GRIN2A: variants seen among roughly 807,000 people sequenced by gnomAD.
GRIN2A encodes the protein glutamate receptor ionotropic, NMDA 2A.
GRIN2A carries 22 observed loss-of-function variants against 113.4 expected under a neutral mutation model. The ratio of observed to expected loss-of-function variants is 0.19; its 90% CI spans 0.14 to 0.28. The LOEUF is 0.28. GRIN2A is among the 10% of genes least tolerant of loss of function. GRIN2A has a pLI of 1.00. For missense variants in GRIN2A, 1,502 were observed against 1,887.0 expected (o/e 0.80, Z 3.78); for synonymous variants, 827 against 738.4 (o/e 1.12, Z -1.94).
At chr16:10,077,657 T>A (rs969152244) in intron 2 of GRIN2A, among the ~76,000 whole-genome samples, 15 of 152,206 alleles carry the variant, frequency 9.9e-5, no homozygotes, top group Admixed American at 3.3e-4. Flanking sequence ...CCTTTAGAGT[T>A]TGGCCTCCGG....
intron 2 of GRIN2A, among the ~76,000 whole-genome samples, chr16:10,026,404 C>G (rs1233529134): frequency 6.6e-6 from 1 of 152,140 alleles, no homozygotes; most frequent in Non-Finnish European, 1.5e-5. Flanking sequence ...TTGTTACTAA[C>G]AGCATTAGAT....
At chr16:10,087,005 T>C (rs1041215281) in intron 2 of GRIN2A, among the ~76,000 whole-genome samples, 2 of 152,170 alleles carry the variant, frequency 1.3e-5, no homozygotes, top group Non-Finnish European at 2.9e-5. Context: ...TGGATTACCA[T>C]GAATTGGGGA....
At chr16:10,044,022 T>TATATATATATATATAGAG (rs531659457) in intron 2 of GRIN2A, among the ~76,000 whole-genome samples, 3 of 108,010 alleles carry the variant, frequency 2.8e-5, no homozygotes, top group Admixed American at 1.1e-4. Flanking sequence ...TATATATATA[T>TATATATATATATATAGAG]AGAGAGAGAG....
intron 2 of GRIN2A, among the ~76,000 whole-genome samples, chr16:10,109,903 A>T (rs887147734): frequency 6.6e-6 from 1 of 150,472 alleles, no homozygotes. Context: ...ATTTTTTTTA[A>T]TTTTATTATT....
At chr16:10,032,825 C>T (rs530252294) in intron 2 of GRIN2A, among the ~76,000 whole-genome samples, 5 of 152,338 alleles carry the variant, frequency 3.3e-5, no homozygotes, top group African/African-American at 9.6e-5. Flanking sequence ...CCAGCTGCAA[C>T]TCCTAACATA....
chr16:9,951,651 G>A (rs543442814), intron 2 of GRIN2A, among the ~76,000 whole-genome samples: 112 of 152,290 alleles, frequency 7.4e-4, no homozygotes, highest in African/African-American at 2.6e-3. Flanking sequence ...GGGTGGAAAA[G>A]GGAGAGATTT....
chr16:9,978,029 T>C (rs2045809981), intron 2 of GRIN2A, among the ~76,000 whole-genome samples: 1 of 152,174 alleles, frequency 6.6e-6, no homozygotes, highest in Non-Finnish European at 1.5e-5. Context: ...GGCTGTGCCA[T>C]ATATTCACTG....
chr16:10,042,496 C>T (rs1459838746), intron 2 of GRIN2A, among the ~76,000 whole-genome samples: 3 of 152,174 alleles, frequency 2.0e-5, no homozygotes, highest in Admixed American at 6.5e-5. Context: ...GATCACTGCA[C>T]CTCTGGCCAA....
At chr16:9,799,163 T>C (rs1226244120) in intron 10 of GRIN2A, among the ~76,000 whole-genome samples, 1 of 152,212 alleles carries the variant, frequency 6.6e-6, no homozygotes, top group Non-Finnish European at 1.5e-5. Flanking sequence ...ACCGTCTCTG[T>C]TGCAGCTATT....
chr16:9,907,719 G>A (rs944844188), intron 3 of GRIN2A, among the ~76,000 whole-genome samples: 7 of 152,144 alleles, frequency 4.6e-5, no homozygotes, highest in African/African-American at 1.7e-4. Context: ...ATATTCACAT[G>A]TTCAAATCCT....
At chr16:9,785,585 ATAAT>A (rs1183057666) in intron 11 of GRIN2A, among the ~76,000 whole-genome samples, 1 of 133,006 alleles carries the variant, frequency 7.5e-6, no homozygotes, top group Non-Finnish European at 1.6e-5. Flanking sequence ...AACTTAAAGT[ATAAT>A]TAAATATATA....
At chr16:9,982,200 T>C (rs1394488436) in intron 2 of GRIN2A, among the ~76,000 whole-genome samples, 3 of 152,350 alleles carry the variant, frequency 2.0e-5, no homozygotes, top group South Asian at 2.1e-4. Context: ...ATGCCCATGA[T>C]GTCATCTAAC....
chr16:10,039,613 G>C (rs28595319), intron 2 of GRIN2A, among the ~76,000 whole-genome samples: 2,122 of 151,924 alleles, frequency 0.014, 52 homozygotes, highest in African/African-American at 0.048. Flanking sequence ...CGGTGGCGTT[G>C]GGCGCGGGGA....
chr16:10,106,632 C>T (rs967424410), intron 2 of GRIN2A, among the ~76,000 whole-genome samples: 3 of 152,048 alleles, frequency 2.0e-5, no homozygotes, highest in Non-Finnish European at 2.9e-5. Context: ...ACTCCGATGA[C>T]GTCTGTTGAA....
chr16:9,867,977 G>A lies in GRIN2A; in HGVS notation c.1123-18016C>T, dbSNP rs2284241. 4.6e-4 allele frequency among the ~76,000 whole-genome samples: 70 copies of A among 151,684 alleles called. No individual in the cohort carries two copies. In the East Asian group the frequency reaches 0.01, roughly 22 times the overall value. On this transcript the variant is annotated intron_variant, in intron 4 of 12. Coordinates refer to ENST00000330684, the MANE Select transcript of GRIN2A (RefSeq NM_001134407.3). Reference sequence around the variant, plus strand: ...AGAACTCAGCCTCTTATCTTCCACCGTAAAAAATAGTTTCTCTCCCATCTG... The same window carrying A: ...AGAACTCAGCCTCTTATCTTCCACCATAAAAAATAGTTTCTCTCCCATCTG...
intron 2 of GRIN2A, among the ~76,000 whole-genome samples, chr16:10,080,232 C>G (rs1273716426): frequency 1.3e-5 from 2 of 152,180 alleles, no homozygotes; most frequent in African/African-American, 4.8e-5. Context: ...TTCTCACTCC[C>G]AAGGCAGTCA....
chr16:10,076,984 C>A (rs2047885250), intron 2 of GRIN2A, among the ~76,000 whole-genome samples: 1 of 152,150 alleles, frequency 6.6e-6, no homozygotes, highest in Non-Finnish European at 1.5e-5. Flanking sequence ...TGCGTGGGGC[C>A]AATATCATCA....
At chr16:9,963,698 A>G (rs1418915929) in intron 2 of GRIN2A, among the ~76,000 whole-genome samples, 1 of 152,192 alleles carries the variant, frequency 6.6e-6, no homozygotes, top group South Asian at 2.1e-4. Flanking sequence ...CTTTTAGATA[A>G]TTACTACAGG....
intron 2 of GRIN2A, among the ~76,000 whole-genome samples, chr16:9,988,140 C>G (rs769585580): frequency 2.0e-4 from 30 of 152,162 alleles, no homozygotes; most frequent in Admixed American, 9.2e-4. Context: ...TACCAGATCT[C>G]AAGAGAAGTA....
Sources: allele counts gnomAD v4.1 joint callset (sites outside exome capture counted in the v4.1 genomes callset), GRCh38; gene constraint gnomAD v4.1.1; transcripts MANE v1.5; gene names NCBI Gene and HGNC (gene_info 2026-07-23, HGNC 2026-07-21).